Variants in CFHR5 observed in about 807,000 individuals in gnomAD.
CFHR5 encodes complement factor H-related protein 5.
CFHR5 carries 73 observed loss-of-function variants against 62.9 expected under a neutral mutation model. The observed-to-expected ratio is 1.16, with a 90% CI of 0.96 to 1.41. CFHR5 has a LOEUF of 1.41. CFHR5 is among the 40% of genes most tolerant of loss of function. The probability of loss-of-function intolerance (pLI) is 0.00; values close to 1 mark genes in which losing one functional copy is unlikely to be tolerated. For missense variants in CFHR5, 779 were observed against 679.9 expected, an observed-to-expected ratio of 1.15 and a Z score of -1.62; for synonymous variants, 249 against 227.2, an observed-to-expected ratio of 1.10 and a Z score of -0.86.
chr1:196,994,320 TTTATTGGAGC>T, intron 4 of CFHR5, 64 bp downstream of exon 4: 1 of 1,279,970 alleles, frequency 7.8e-7, no homozygotes, highest in Admixed American at 1.7e-5. Flanking sequence ...CCCATATATT[TTTATTGGAGC>T]TTATATTACA....
At chr1:196,980,218 G>A (rs557457914) in intron 1 of CFHR5, among the ~76,000 whole-genome samples, 1 of 152,120 alleles carries the variant, frequency 6.6e-6, no homozygotes, top group African/African-American at 2.4e-5. Flanking sequence ...GTTCCTGAAG[G>A]ACCCGCCTGA....
At chr1:196,975,578 G>A (rs995390222), upstream of CFHR5, among the ~76,000 whole-genome samples, 9 of 152,130 alleles carry the variant, frequency 5.9e-5, no homozygotes, top group Non-Finnish European at 8.8e-5. Flanking sequence ...AAGGATGCGT[G>A]TGAACAGCAG....
chr1:197,003,837 G>A (rs1227264985), intron 8 of CFHR5, among the ~76,000 whole-genome samples: 3 of 152,144 alleles, frequency 2.0e-5, no homozygotes, highest in Admixed American at 2.0e-4. Context: ...TTTTCAGCAT[G>A]TTTGTAGGTT....
intron 7 of CFHR5, among the ~76,000 whole-genome samples, chr1:196,998,543 T>C (rs1211220361): frequency 6.6e-6 from 1 of 151,630 alleles, no homozygotes. Context: ...TCACAAAACC[T>C]TGAAAGAAAA....
intron 9 of CFHR5, among the ~76,000 whole-genome samples, chr1:197,006,342 A>T (rs189227950): frequency 6.6e-6 from 1 of 152,268 alleles, no homozygotes; most frequent in African/African-American, 2.4e-5. Context: ...TCAAGGAAAC[A>T]TGATCTAACT....
chr1:196,992,059 C>T (rs1040997854), intron 3 of CFHR5, among the ~76,000 whole-genome samples: 22 of 152,226 alleles, frequency 1.4e-4, no homozygotes. Context: ...TCAAGCTTTT[C>T]CAGCTGCTTT....
intron 9 of CFHR5, among the ~76,000 whole-genome samples, chr1:197,008,050 CTG>C (rs1654338841): frequency 6.7e-6 from 1 of 148,368 alleles, no homozygotes; most frequent in Admixed American, 6.8e-5. Flanking sequence ...TGAGTGATAT[CTG>C]GGGTCAGGGA....
At chr1:196,992,762 T>C (rs1449184431) in intron 3 of CFHR5, among the ~76,000 whole-genome samples, 1 of 152,184 alleles carries the variant, frequency 6.6e-6, no homozygotes, top group Non-Finnish European at 1.5e-5. Flanking sequence ...AATACTGGAA[T>C]AACAAACAGA....
rs1571532485 is a variant in CFHR5, at chr1:197,008,984, T to C, written c.*301T>C. Reference sequence around the variant, plus strand: ...CTAAAAGCTGAGAAGTCCAAGATGGTGGGGCTGCCTCTGGTGAGGGTCTTC... The same window carrying C: ...CTAAAAGCTGAGAAGTCCAAGATGGCGGGGCTGCCTCTGGTGAGGGTCTTC... On this transcript the variant is annotated 3_prime_UTR_variant, in exon 10 of 10. Transcript: ENST00000256785. 7.1e-6 allele frequency: 2 copies of C among 280,546 alleles called. No individual in the cohort carries two copies. The highest frequency in any genetic ancestry group is 8.6e-5 in the South Asian group (2 of 23,380). 17.4% of individuals were successfully genotyped at this position (280,546 alleles called of 1,614,324 possible).
intron 3 of CFHR5, among the ~76,000 whole-genome samples, chr1:196,986,612 T>C (rs1653688867): frequency 6.6e-6 from 1 of 152,006 alleles, no homozygotes; most frequent in African/African-American, 2.4e-5. Context: ...AGTGAGAACA[T>C]GCAGTGTTTG....
chr1:196,998,447 C>T (rs973956066), intron 7 of CFHR5, 143 bp downstream of exon 7: 6 of 714,914 alleles, frequency 8.4e-6, no homozygotes, highest in African/African-American at 1.8e-5. Context: ...AGTTATAATA[C>T]TCTTTCCAGA....
chr1:196,977,520 T>C, upstream of CFHR5: 1 of 746,996 alleles, frequency 1.3e-6, no homozygotes, highest in South Asian at 1.4e-5. Flanking sequence ...ACTTTGATGT[T>C]TTCCACAAAG....
chr1:196,991,890 A>G (rs1352366162), intron 3 of CFHR5, among the ~76,000 whole-genome samples: 10 of 152,134 alleles, frequency 6.6e-5, no homozygotes, highest in Admixed American at 5.9e-4. Flanking sequence ...GAGCTCAAAC[A>G]CCATGCTGGG....
chr1:197,008,195 T>G (rs1163566862), intron 9 of CFHR5, among the ~76,000 whole-genome samples: 1 of 151,240 alleles, frequency 6.6e-6, no homozygotes, highest in East Asian at 1.9e-4. Context: ...AGTATAGCAA[T>G]TAAGAGCTCA....
At chr1:196,993,043 T>C (rs1287892180) in intron 3 of CFHR5, among the ~76,000 whole-genome samples, 2 of 151,590 alleles carry the variant, frequency 1.3e-5, no homozygotes, top group African/African-American at 4.8e-5. Context: ...AATGAAAGAT[T>C]ATTAAATGAG....
intron 8 of CFHR5, 58 bp from the exon 9 acceptor site, chr1:197,004,603 A>G (rs1654236242): frequency 7.7e-7 from 1 of 1,298,936 alleles, no homozygotes; most frequent in Non-Finnish European, 1.1e-6. Flanking sequence ...ATGATGCTTC[A>G]TTATATTATT....
chr1:197,001,141 T>A (rs913677049), intron 7 of CFHR5, among the ~76,000 whole-genome samples: 1 of 152,176 alleles, frequency 6.6e-6, no homozygotes, highest in African/African-American at 2.4e-5. Flanking sequence ...CTAAGTACTT[T>A]AAGTTCACGC....
chr1:196,999,298 AT>A (rs1223850388), intron 7 of CFHR5, among the ~76,000 whole-genome samples: 2 of 151,810 alleles, frequency 1.3e-5, no homozygotes, highest in Admixed American at 6.6e-5. Context: ...TTCATTATAT[AT>A]TTTTTCTATT....
chr1:196,976,400 C>T (rs1225130261), upstream of CFHR5, among the ~76,000 whole-genome samples: 4 of 152,072 alleles, frequency 2.6e-5, no homozygotes, highest in Admixed American at 2.0e-4. Flanking sequence ...ATAGGATCCT[C>T]GGGCATGGAC....
Sources: allele counts gnomAD v4.1 joint callset (sites outside exome capture counted in the v4.1 genomes callset), GRCh38; gene constraint gnomAD v4.1.1; transcripts MANE v1.5; gene names NCBI Gene and HGNC (gene_info 2026-07-23, HGNC 2026-07-21).